CEP85L: variants seen among roughly 807,000 people sequenced by gnomAD.
CEP85L encodes the protein centrosomal protein of 85 kDa-like.
CEP85L carries 60 observed loss-of-function variants against 100.3 expected under a neutral mutation model. The ratio of observed to expected loss-of-function variants is 0.60; its 90% CI spans 0.49 to 0.74. The LOEUF (loss-of-function observed/expected upper bound fraction) is 0.74, where lower values mean the gene tolerates loss of function less well. Among genes scored for constraint, CEP85L ranks in the 30% least tolerant of loss-of-function variants. The pLI, the probability that CEP85L is intolerant of heterozygous loss-of-function variation, is 0.00. For synonymous variants in CEP85L, 319 were observed against 322.7 expected, an observed-to-expected ratio of 0.99 and a Z score of 0.12; for missense variants, 973 against 936.2, an observed-to-expected ratio of 1.04 and a Z score of -0.51.
chr6:118,651,632 C>A, upstream of CEP85L: 1 of 990,076 alleles, frequency 1.0e-6, no homozygotes, highest in South Asian at 4.6e-5. Flanking sequence ...GGGCTGGGGC[C>A]GCGAGGGGGC....
chr6:118,573,712 T>G (rs1780048252), intron 2 of CEP85L, among the ~76,000 whole-genome samples: 3 of 152,150 alleles, frequency 2.0e-5, no homozygotes, highest in Non-Finnish European at 4.4e-5. Flanking sequence ...TATACCATTA[T>G]AGATGGGTAT....
intron 10 of CEP85L, among the ~76,000 whole-genome samples, chr6:118,472,648 C>G (rs1773053252): frequency 6.6e-6 from 1 of 152,122 alleles, no homozygotes; most frequent in Admixed American, 6.5e-5. Context: ...TTAAAATATA[C>G]TTGCTCAAAC....
At chr6:118,628,636 AAAAAC>A (rs1773952787) in intron 2 of CEP85L, among the ~76,000 whole-genome samples, 1 of 87,236 alleles carries the variant, frequency 1.1e-5, no homozygotes, top group African/African-American at 4.5e-5. Context: ...CTCCATCCAA[AAAAAC>A]AAACAAACAA....
chr6:118,554,340 T>A (rs1262114155), intron 3 of CEP85L, among the ~76,000 whole-genome samples: 1 of 152,054 alleles, frequency 6.6e-6, no homozygotes, highest in East Asian at 1.9e-4. Flanking sequence ...TGAGATGGGG[T>A]CTCATTATGT....
intron 3 of CEP85L, among the ~76,000 whole-genome samples, chr6:118,535,646 C>T (rs1777547019): frequency 6.6e-6 from 1 of 152,168 alleles, no homozygotes; most frequent in Non-Finnish European, 1.5e-5. Context: ...ATCCATTTCT[C>T]CAGCTCATCC....
intron 2 of CEP85L, among the ~76,000 whole-genome samples, chr6:118,577,742 C>G (rs770005770): frequency 6.6e-6 from 1 of 152,178 alleles, no homozygotes; most frequent in South Asian, 2.1e-4. Flanking sequence ...AGAGCCTTAA[C>G]ACCCTAGCAA....
intron 3 of CEP85L, among the ~76,000 whole-genome samples, chr6:118,540,986 T>C (rs111439512): frequency 6.6e-6 from 1 of 152,304 alleles, no homozygotes; most frequent in African/African-American, 2.4e-5. Context: ...CTAACATTCA[T>C]TATACGGACT....
At chr6:118,576,079 C>T (rs1780212757) in intron 2 of CEP85L, among the ~76,000 whole-genome samples, 1 of 152,106 alleles carries the variant, frequency 6.6e-6, no homozygotes, top group Non-Finnish European at 1.5e-5. Context: ...TGGCATCTGT[C>T]CTCATCAGGG....
chr6:118,584,328 G>T (rs1363245162), intron 2 of CEP85L, among the ~76,000 whole-genome samples: 2 of 152,194 alleles, frequency 1.3e-5, no homozygotes, highest in Non-Finnish European at 2.9e-5. Context: ...AGGGAGTTGA[G>T]AATATTTCTT....
chr6:118,651,613 C>T, upstream of CEP85L: 1 of 1,062,214 alleles, frequency 9.4e-7, no homozygotes, highest in Non-Finnish European at 1.1e-6. Context: ...GCCGGCAGAG[C>T]CAGAGCCGGG....
chr6:118,652,148 G>A (rs1420283706), upstream of CEP85L, among the ~76,000 whole-genome samples: 2 of 152,182 alleles, frequency 1.3e-5, no homozygotes, highest in African/African-American at 4.8e-5. Flanking sequence ...ATGTGCACCG[G>A]AAAAGGCCCG....
intron 1 of CEP85L, among the ~76,000 whole-genome samples, chr6:118,674,713 T>C (rs1052200705): frequency 9.2e-5 from 14 of 152,186 alleles, no homozygotes; most frequent in Admixed American, 7.9e-4. Flanking sequence ...GAAATGATGC[T>C]CAACATTATT....
intron 3 of CEP85L, among the ~76,000 whole-genome samples, chr6:118,564,072 A>G (rs908847397): frequency 4.6e-5 from 7 of 152,156 alleles, no homozygotes; most frequent in African/African-American, 1.7e-4. Context: ...ACTATGCACT[A>G]GAAAGAAGAT....
At chr6:118,694,302 C>T (rs1434930341) in intron 1 of CEP85L, among the ~76,000 whole-genome samples, 3 of 152,034 alleles carry the variant, frequency 2.0e-5, no homozygotes, top group Non-Finnish European at 1.5e-5. Flanking sequence ...TTGATATAAA[C>T]TATGGATTAC....
intron 2 of CEP85L, among the ~76,000 whole-genome samples, chr6:118,615,695 C>T (rs774308511): frequency 6.6e-6 from 1 of 152,180 alleles, no homozygotes; most frequent in Non-Finnish European, 1.5e-5. Context: ...ATGGTATCAG[C>T]TTGAGGGCTG....
intron 1 of CEP85L, among the ~76,000 whole-genome samples, chr6:118,667,238 A>G (rs900630189): frequency 6.6e-6 from 1 of 152,194 alleles, no homozygotes; most frequent in African/African-American, 2.4e-5. Flanking sequence ...AATTACTAAC[A>G]TGAAGAAGGG....
At chr6:118,695,919 C>G (rs561934166) in intron 1 of CEP85L, among the ~76,000 whole-genome samples, 1 of 152,190 alleles carries the variant, frequency 6.6e-6, no homozygotes, top group East Asian at 1.9e-4. Context: ...AGATATGATC[C>G]CCCTTTGTAA....
At chr6:118,644,225 C>T (rs961415858) in intron 1 of CEP85L, among the ~76,000 whole-genome samples, 2 of 152,176 alleles carry the variant, frequency 1.3e-5, no homozygotes, top group African/African-American at 2.4e-5. Context: ...CTACTGCCTT[C>T]AGACTCCTCT....
In CEP85L at chr6:118,693,835, C is replaced by T. The variant is rs552538549; in HGVS notation, c.-28+16201G>A. Among the ~76,000 whole-genome samples the T allele has an allele frequency of 1.6e-4, 24 of 152,300 alleles. No individual in the cohort carries two copies. The South Asian group carries it at 5.0e-3, about 32-fold the overall frequency. On this transcript the variant is annotated intron_variant, in intron 1 of 13. Coordinates refer to the CEP85L transcript ENST00000368488. ...TAGACATTGCTGCTACAGTCACAAG[C>T]AGAAATGTTCCCTTCTCTCTTCATG... is the stretch of plus-strand genomic sequence containing the variant.
Sources: allele counts gnomAD v4.1 joint callset (sites outside exome capture counted in the v4.1 genomes callset), GRCh38; gene constraint gnomAD v4.1.1; transcripts MANE v1.5; gene names NCBI Gene and HGNC (gene_info 2026-07-23, HGNC 2026-07-21).